The following RBM47 variants were observed in gnomAD, a reference collection of about 807,000 sequenced individuals.
RBM47 encodes the protein RNA binding motif protein 47, also known as RNA-binding protein 47.
A neutral mutation model predicts 47.1 loss-of-function variants in RBM47; 21 were observed. That is an observed-to-expected ratio of 0.45 (90% CI 0.32 to 0.64). The LOEUF (loss-of-function observed/expected upper bound fraction) is 0.64, where lower values mean the gene tolerates loss of function less well. RBM47 is among the 30% of genes least tolerant of loss of function. RBM47 has a pLI of 0.05. For synonymous variants in RBM47, 375 were observed against 361.7 expected, an observed-to-expected ratio of 1.04 and a Z score of -0.42; for missense variants, 708 against 870.9, an observed-to-expected ratio of 0.81 and a Z score of 2.35.
chr4:40,507,943 G>A (rs1724350075), intron 2 of RBM47, among the ~76,000 whole-genome samples: 1 of 152,072 alleles, frequency 6.6e-6, no homozygotes, highest in Non-Finnish European at 1.5e-5. Flanking sequence ...GCGCATGCCT[G>A]TAATCCCAGC....
At chr4:40,599,866 A>G (rs1227866455) in intron 1 of RBM47, among the ~76,000 whole-genome samples, 1 of 152,180 alleles carries the variant, frequency 6.6e-6, no homozygotes, top group East Asian at 1.9e-4. Context: ...ATCATGAGAT[A>G]GTAGGCACTC....
chr4:40,447,812 C>A (rs1296593078), intron 3 of RBM47, among the ~76,000 whole-genome samples: 3 of 152,146 alleles, frequency 2.0e-5, no homozygotes, highest in African/African-American at 7.2e-5. Context: ...AGATCGAGAC[C>A]ATCCTGGCTA....
chr4:40,625,890 G>A (rs1737693760), intron 1 of RBM47, among the ~76,000 whole-genome samples: 1 of 152,106 alleles, frequency 6.6e-6, no homozygotes, highest in South Asian at 2.1e-4. Context: ...AAAACACAAA[G>A]GGTTTTCAGG....
intron 1 of RBM47, among the ~76,000 whole-genome samples, chr4:40,602,535 C>T (rs187006653): frequency 8.6e-5 from 13 of 151,220 alleles, no homozygotes; most frequent in South Asian, 4.2e-4. Context: ...GTAGTCCCAG[C>T]TACTTGGGAG....
At chr4:40,454,035 C>T (rs1186464486) in intron 3 of RBM47, among the ~76,000 whole-genome samples, 1 of 152,168 alleles carries the variant, frequency 6.6e-6, no homozygotes, top group Non-Finnish European at 1.5e-5. Context: ...TGGAGACCTG[C>T]ACATTTGACT....
chr4:40,450,694 C>A (rs771247307), intron 3 of RBM47, among the ~76,000 whole-genome samples: 3 of 152,050 alleles, frequency 2.0e-5, no homozygotes, highest in Non-Finnish European at 4.4e-5. Flanking sequence ...GTTCTCTAAC[C>A]CAGGGTTTTT....
intron 5 of RBM47, among the ~76,000 whole-genome samples, chr4:40,434,601 T>C (rs2154211131): frequency 8.5e-6 from 1 of 118,228 alleles, no homozygotes; most frequent in South Asian, 3.6e-4. Flanking sequence ...GTTACAGAGC[T>C]GTGGGATCAG....
chr4:40,614,775 G>A (rs1255301861), intron 1 of RBM47, among the ~76,000 whole-genome samples: 1 of 152,054 alleles, frequency 6.6e-6, no homozygotes, highest in Non-Finnish European at 1.5e-5. Flanking sequence ...AGGCTGCAGT[G>A]AGCCTTGATC....
intron 2 of RBM47, among the ~76,000 whole-genome samples, chr4:40,498,289 T>A (rs1217908345): frequency 1.3e-5 from 2 of 152,118 alleles, no homozygotes; most frequent in East Asian, 3.9e-4. Context: ...CTAAAATTGA[T>A]GCTTTTTTAA....
At chr4:40,526,817 T>TTG (rs1491368611) in intron 2 of RBM47, among the ~76,000 whole-genome samples, 4 of 94,808 alleles carry the variant, frequency 4.2e-5, no homozygotes, top group Admixed American at 2.3e-4. Context: ...TTTTTTTTTT[T>TTG]GCAACCTTTT....
rs533121795 is a variant in RBM47, at chr4:40,517,250, C to T, written c.-155+27172G>A. On this transcript the variant is annotated intron_variant, in intron 2 of 6. Coordinates refer to ENST00000295971, the MANE Select transcript of RBM47 (RefSeq NM_001098634.2). ...CCCAGATTCAAGAGATTCTCCTGCC[C>T]CAGCCTCCTGCGTAGCTGGGATTAT... Among the ~76,000 whole-genome samples, 15 of 152,154 alleles carry T rather than the reference C, an allele frequency of 9.9e-5. No individual in the cohort carries two copies. In the South Asian group the frequency reaches 3.1e-3, roughly 32 times the overall value.
intron 5 of RBM47, among the ~76,000 whole-genome samples, chr4:40,436,203 C>CAAACA (rs1553877384): frequency 1.3e-4 from 18 of 140,218 alleles, no homozygotes; most frequent in Non-Finnish European, 9.0e-5. Flanking sequence ...AACAAACAAA[C>CAAACA]AAAAAAAAAC....
At position 40,432,842 on chromosome 4, in the gene RBM47, C is replaced by T; in HGVS notation, c.1351G>A (p.Ala451Thr). ...PGTVAIPAIG[A>T]QYSMFPAAPA... The stretch of plus-strand genomic sequence containing the variant: ...GCTGCTGGAAACATGGAATACTGAG[C>T]CCCAATGGCAGGGATGGCTACTGCA... Residue 451 changes from alanine (A) to threonine (T), a missense_variant, in exon 6 of 7, where the codon GCT becomes ACT. Physicochemically the swap from Ala to Thr is moderately conservative, Grantham distance 58. Transcript: ENST00000295971. The T allele has an allele frequency of 6.2e-7, 1 of 1,613,068 alleles. No homozygotes were observed.
At position 40,567,619 on chromosome 4, in the gene RBM47, G is replaced by A. The variant is rs114026503; in HGVS notation, c.-239-23113C>T. On this transcript the variant is annotated intron_variant, in intron 1 of 6. Coordinates refer to ENST00000295971, the MANE Select transcript of RBM47 (RefSeq NM_001098634.2). Reference sequence around the variant, plus strand: ...GCATTGAAAGCATGGTTTTTGGGTGGCCCATATAATGGTTTATAGCACAAC... The same window carrying A: ...GCATTGAAAGCATGGTTTTTGGGTGACCCATATAATGGTTTATAGCACAAC... 5.3e-3 allele frequency among the ~76,000 whole-genome samples: 802 copies of A among 152,080 alleles called. 13 individuals carry two copies. Among genetic ancestry groups the A allele is most frequent in the African/African-American group, 0.018 (754 of 41,528 alleles).
chr4:40,600,999 A>G (rs867964542), intron 1 of RBM47, among the ~76,000 whole-genome samples: 6 of 147,366 alleles, frequency 4.1e-5, no homozygotes, highest in African/African-American at 1.3e-4. Context: ...AAAAAAAAAA[A>G]AAAGAAAGAA....
intron 1 of RBM47, among the ~76,000 whole-genome samples, chr4:40,558,151 A>T (rs1056379236): frequency 2.0e-5 from 3 of 152,124 alleles, no homozygotes; most frequent in African/African-American, 7.2e-5. Flanking sequence ...GATGGAGAAA[A>T]CTGAAGCTCA....
At chr4:40,440,420 A>G (rs1298286818) in intron 3 of RBM47, among the ~76,000 whole-genome samples, 1 of 152,228 alleles carries the variant, frequency 6.6e-6, no homozygotes, top group Non-Finnish European at 1.5e-5. Flanking sequence ...AGGTTTCATC[A>G]ATTAATTAGA....
intron 2 of RBM47, chr4:40,491,831 A>C (rs968799830): frequency 9.4e-6 from 2 of 213,778 alleles, no homozygotes; most frequent in Non-Finnish European, 1.9e-5. Flanking sequence ...TCAGAAGTCA[A>C]CCTGTGGCAA....
chr4:40,564,584 A>G (rs1211268226), intron 1 of RBM47, among the ~76,000 whole-genome samples: 1 of 152,238 alleles, frequency 6.6e-6, no homozygotes, highest in Non-Finnish European at 1.5e-5. Flanking sequence ...AATAAACAGC[A>G]CAGGCAACAC....
Sources: gnomAD v4.1 joint callset for allele counts (sites outside exome capture counted in the v4.1 genomes callset) on GRCh38, gnomAD v4.1.1 for gene constraint, MANE v1.5 for transcripts, NCBI Gene and HGNC (gene_info 2026-07-23, HGNC 2026-07-21) for gene names.